CYP2C8: variants seen among roughly 807,000 people sequenced by gnomAD.
CYP2C8 encodes cytochrome P450 2C8.
A neutral mutation model predicts 41.3 loss-of-function variants in CYP2C8; 51 were observed. The ratio of observed to expected loss-of-function variants is 1.24; its 90% confidence interval spans 0.99 to 1.56. The LOEUF is 1.56. Among genes scored for constraint, CYP2C8 ranks in the 40% most tolerant of loss-of-function variants. The pLI, the probability that CYP2C8 is intolerant of heterozygous loss-of-function variation, is 0.00. For missense variants in CYP2C8, 651 were observed against 579.9 expected, an observed-to-expected ratio of 1.12 and a Z score of -1.26; for synonymous variants, 218 against 205.8, an observed-to-expected ratio of 1.06 and a Z score of -0.51.
rs2032910920 is a variant in CYP2C8 at position 95,037,545 on chromosome 10, A to G, written c.1292-236T>C. ...GCTATCTGTCTAACATCTAATCTCA[A>G]TAGGCACCCTTCATTCAACAAATAT... On this transcript the variant is annotated intron_variant, in intron 8 of 8. Coordinates refer to ENST00000371270, the MANE Select transcript of CYP2C8 (RefSeq NM_000770.3). 3.3e-5 allele frequency among the ~76,000 whole-genome samples: 5 copies of G among 152,338 alleles called. No homozygotes were observed. The South Asian group carries it at 1.0e-3, about 32-fold the overall frequency.
At chr10:95,043,191 G>C in intron 6 of CYP2C8, 114 bp from the exon 7 acceptor site, 1 of 932,920 alleles carries the variant, frequency 1.1e-6, no homozygotes, top group South Asian at 1.4e-5. Context: ...ACAAACATGA[G>C]TTACATGTCC....
At chr10:95,064,270 G>T (rs2033507157) in intron 4 of CYP2C8, among the ~76,000 whole-genome samples, 1 of 152,122 alleles carries the variant, frequency 6.6e-6, no homozygotes, top group Non-Finnish European at 1.5e-5. Flanking sequence ...GCTGCAGTAG[G>T]CTCCACCCAG....
chr10:95,058,227 A>G, intron 5 of CYP2C8, 108 bp downstream of exon 5: 1 of 1,495,094 alleles, frequency 6.7e-7, no homozygotes, highest in Non-Finnish European at 9.2e-7. Flanking sequence ...ATGCTTGTCA[A>G]GCATTACTGG....
chr10:95,056,847 A>T (rs1016042009), intron 5 of CYP2C8, among the ~76,000 whole-genome samples: 2 of 152,134 alleles, frequency 1.3e-5, no homozygotes, highest in Admixed American at 6.6e-5. Context: ...GCGAGTCCCA[A>T]TGTGGAGCTT....
chr10:95,038,540 T>C (rs995955605), intron 8 of CYP2C8, among the ~76,000 whole-genome samples: 3 of 152,158 alleles, frequency 2.0e-5, no homozygotes, highest in African/African-American at 7.2e-5. Context: ...AGACACTCAA[T>C]GCAGTTGTGG....
rs138495387 is a variant in CYP2C8 at position 95,037,276 on chromosome 10, C to A, written c.1325G>T (p.Arg442Leu). The part of the protein sequence containing the change: ...KRICAGEGLA[R>L]MELFLFLTTI... Reference sequence around the variant, plus strand: ...GGTTAGAAATAAAAATAGCTCCATGCGGGCAAGTCCTTCTCCTGCACAAAT... The same window carrying A: ...GGTTAGAAATAAAAATAGCTCCATGAGGGCAAGTCCTTCTCCTGCACAAAT... Residue 442 changes from arginine to leucine, a missense_variant, in exon 9 of 9, where the codon CGC becomes CTC. By Grantham distance (102) the Arg-to-Leu change is moderately radical (BLOSUM62 -2). Transcript: ENST00000371270. The A allele has an allele frequency of 1.9e-6, 3 of 1,613,386 alleles. No homozygotes were observed. The highest frequency in any genetic ancestry group is 1.3e-5 in the African/African-American group (1 of 74,882).
rs543266502 is a variant in CYP2C8, at chr10:95,063,007, C to A, written c.642+1793G>T. On this transcript the variant is annotated intron_variant, in intron 4 of 8. Coordinates refer to ENST00000371270, the MANE Select transcript of CYP2C8 (RefSeq NM_000770.3). Reference sequence around the variant, plus strand: ...CTTGTAGAGTTTCTGCCGAGAGATCCGCTGTTAGTCTGATGGGCTTCCCTT... The same window carrying A: ...CTTGTAGAGTTTCTGCCGAGAGATCAGCTGTTAGTCTGATGGGCTTCCCTT... Among the ~76,000 whole-genome samples the A allele has an allele frequency of 4.7e-4, 72 of 152,294 alleles. 2 individuals are homozygous for A. Among genetic ancestry groups the A allele is most frequent in the Admixed American group, 1.4e-3 (22 of 15,290 alleles).
chr10:95,067,072 A>G, intron 3 of CYP2C8, 136 bp downstream of exon 3: 1 of 1,243,140 alleles, frequency 8.0e-7, no homozygotes. Context: ...CTGTGCTTCA[A>G]ATCTCCCTCC....
Position 95,058,519 on chromosome 10 carries a change from AG to A in CYP2C8, c.643-9del. ...AGGGAAATTATTGCAGACCTAAAAG[AG>A]AAAAGAATATTAAATATAAACATGT... On this transcript the variant is annotated splice_polypyrimidine_tract_variant and intron_variant, in intron 4 of 8. Coordinates refer to ENST00000371270, the MANE Select transcript of CYP2C8 (RefSeq NM_000770.3). The A allele has an allele frequency of 6.2e-7, 1 of 1,603,134 alleles. No homozygotes were observed. Among genetic ancestry groups the A allele is most frequent in the Admixed American group, 1.7e-5 (1 of 59,310 alleles).
intron 4 of CYP2C8, among the ~76,000 whole-genome samples, chr10:95,059,868 C>A (rs1430279612): frequency 6.6e-6 from 1 of 152,188 alleles, no homozygotes; most frequent in East Asian, 1.9e-4. Flanking sequence ...ATGTGGCTAG[C>A]CAGTTTTCCC....
At chr10:95,064,997 A>T (rs762853371) in intron 3 of CYP2C8, 37 bp from the exon 4 acceptor site, 1 of 1,380,274 alleles carries the variant, frequency 7.2e-7, no homozygotes, top group South Asian at 1.9e-5. Context: ...ATTATTAAAA[A>T]ATAAATATTT....
rs749344095 is a variant in CYP2C8, at chr10:95,045,824, T to A, written c.947A>T (p.His316Leu). ...TGTGGTCCTACCTGTGACCTCTGGG[T>A]GCTTCAGCAGGAGCAGGAGTCCATA... is the stretch of plus-strand genomic sequence containing the variant. The part of the protein sequence containing the change: ...LRYGLLLLLK[H>L]PEVTAKVQEE... The change falls in exon 6 of 9, where the codon CAC (histidine) becomes CTC (leucine). Residue 316 changes from histidine (H) to leucine (L), a missense_variant. Physicochemically the swap from His to Leu is moderately conservative, Grantham distance 99 (BLOSUM62 -3). Coordinates refer to ENST00000371270, the MANE Select transcript of CYP2C8 (RefSeq NM_000770.3). 6.2e-7 allele frequency: 1 copy of A among 1,613,882 alleles called. No individual in the cohort carries two copies. The highest frequency in any genetic ancestry group is 8.5e-7 in the Non-Finnish European group (1 of 1,179,890).
chr10:95,051,010 A>C (rs1216299713), intron 5 of CYP2C8, among the ~76,000 whole-genome samples: 3 of 152,210 alleles, frequency 2.0e-5, no homozygotes, highest in Non-Finnish European at 4.4e-5. Flanking sequence ...GGCACCAGGG[A>C]CCAATCCTGG....
intron 3 of CYP2C8, among the ~76,000 whole-genome samples, chr10:95,066,139 AGAGAGAGAGAGAGAGTGT>A: frequency 9.1e-6 from 1 of 109,898 alleles, no homozygotes; most frequent in Admixed American, 8.5e-5. Context: ...AGAGAGAGAG[AGAGAGAGAGAGAGAGTGT>A]GTGTGTGTGT....
At chr10:95,048,584 G>A (rs979998459) in intron 5 of CYP2C8, among the ~76,000 whole-genome samples, 2 of 152,216 alleles carry the variant, frequency 1.3e-5, no homozygotes, top group African/African-American at 4.8e-5. Context: ...CTGGGGTGAT[G>A]TGGGTATGGT....
chr10:95,068,494 T>C (rs977869793), intron 1 of CYP2C8: 1 of 794,682 alleles, frequency 1.3e-6, no homozygotes, highest in South Asian at 1.4e-5. Context: ...AGCCATCAAA[T>C]GAATCTTCAG....
At chr10:95,066,119 T>TGA (rs144502351) in intron 3 of CYP2C8, among the ~76,000 whole-genome samples, 9,204 of 97,076 alleles carry the variant, frequency 0.095, 524 homozygotes, top group Admixed American at 0.16. Context: ...GAAGCCTTGG[T>TGA]GAGAGAGAGA....
At chr10:95,048,774 A>G (rs2033157859) in intron 5 of CYP2C8, among the ~76,000 whole-genome samples, 1 of 152,198 alleles carries the variant, frequency 6.6e-6, no homozygotes, top group African/African-American at 2.4e-5. Context: ...GGGAACATGT[A>G]GAAGAATGAA....
chr10:95,068,315 A>G (rs2033612429), intron 1 of CYP2C8, among the ~76,000 whole-genome samples: 1 of 152,232 alleles, frequency 6.6e-6, no homozygotes, highest in Non-Finnish European at 1.5e-5. Context: ...GACATTCAGC[A>G]TCTCCTGGAA....
Sources: allele counts gnomAD v4.1 joint callset (sites outside exome capture counted in the v4.1 genomes callset), GRCh38; gene constraint gnomAD v4.1.1; transcripts MANE v1.5; gene names NCBI Gene and HGNC (gene_info 2026-07-23, HGNC 2026-07-21).